Variants in KALRN observed in about 807,000 individuals in gnomAD.
The protein encoded by KALRN is kalirin.
In KALRN, 70 loss-of-function variants were observed where a neutral mutation model predicts 353.7. That is an observed-to-expected ratio of 0.20 (90% CI 0.16 to 0.24). KALRN has a LOEUF of 0.24. KALRN is among the 10% of genes least tolerant of loss of function. KALRN has a pLI of 1.00. For missense variants in KALRN, 2,791 were observed against 3,756.7 expected, an observed-to-expected ratio of 0.74 and a Z score of 6.72; for synonymous variants, 1,391 against 1,434.8, an observed-to-expected ratio of 0.97 and a Z score of 0.69.
At chr3:124,456,507 C>T in intron 22 of KALRN, 103 bp from the exon 23 acceptor site, 1 of 693,982 alleles carries the variant, frequency 1.4e-6, no homozygotes, top group South Asian at 1.8e-5. Context: ...TTTTATCCTT[C>T]TCCATTATAT....
chr3:124,292,519 G>A (rs1436403976), intron 5 of KALRN, among the ~76,000 whole-genome samples: 3 of 152,178 alleles, frequency 2.0e-5, no homozygotes, highest in East Asian at 1.9e-4. Context: ...GGGACAGCAG[G>A]AAGGCACCAG....
Position 124,544,630 on chromosome 3 carries a change from A to G in KALRN, c.4936-18213A>G, listed in dbSNP as rs555940882. 2.3e-4 allele frequency among the ~76,000 whole-genome samples: 35 copies of G among 150,038 alleles called. No homozygotes were observed. The East Asian group carries it at 4.0e-3, about 17-fold the overall frequency. ...CAGATATATCTATGTATATCTATAT[A>G]TCTATATAGATATAGATATAGATCT... On this transcript the variant is annotated intron_variant, in intron 33 of 59. Transcript: ENST00000682506.
intron 5 of KALRN, among the ~76,000 whole-genome samples, chr3:124,279,935 C>T (rs936041449): frequency 1.3e-5 from 2 of 152,154 alleles, no homozygotes; most frequent in Non-Finnish European, 2.9e-5. Context: ...CCTCAAAATG[C>T]AGGCTGGATC....
At chr3:124,232,706 A>C (rs898634499) in intron 2 of KALRN, among the ~76,000 whole-genome samples, 4 of 151,994 alleles carry the variant, frequency 2.6e-5, no homozygotes, top group African/African-American at 9.7e-5. Context: ...CCTTATCTAC[A>C]CTTCTGGATG....
intron 6 of KALRN, among the ~76,000 whole-genome samples, chr3:124,320,940 GCTCT>G (rs1487392980): frequency 6.6e-6 from 1 of 152,196 alleles, no homozygotes; most frequent in Non-Finnish European, 1.5e-5. Flanking sequence ...CTTGTGTTGT[GCTCT>G]CTGTGAAAGA....
At chr3:124,124,289 A>G (rs770245928) in intron 1 of KALRN, among the ~76,000 whole-genome samples, 19 of 152,244 alleles carry the variant, frequency 1.2e-4, no homozygotes, top group Non-Finnish European at 2.4e-4. Context: ...GTAACCACAG[A>G]TGTGGAAGAC....
At chr3:124,628,572 T>C (rs1319098902) in intron 34 of KALRN, among the ~76,000 whole-genome samples, 1 of 146,594 alleles carries the variant, frequency 6.8e-6, no homozygotes, top group Non-Finnish European at 1.5e-5. Context: ...TTTCTTTTCA[T>C]TTCTTTTCTT....
chr3:124,125,830 G>T (rs1281067266), intron 1 of KALRN, among the ~76,000 whole-genome samples: 1 of 152,198 alleles, frequency 6.6e-6, no homozygotes, highest in African/African-American at 2.4e-5. Flanking sequence ...GGATGATTCA[G>T]AGTTAGGCCA....
intron 1 of KALRN, among the ~76,000 whole-genome samples, chr3:124,207,898 G>T (rs1292167631): frequency 6.6e-6 from 1 of 152,230 alleles, no homozygotes; most frequent in Non-Finnish European, 1.5e-5. Context: ...GAGCTGAAAA[G>T]TGGGCTCATG....
At chr3:124,264,371 G>A in intron 3 of KALRN, 127 bp from the exon 4 acceptor site, 1 of 740,962 alleles carries the variant, frequency 1.3e-6, no homozygotes. Flanking sequence ...GTGGCCAAGA[G>A]ACCTGGCATG....
chr3:124,611,961 CT>C (rs1237933441), intron 34 of KALRN, among the ~76,000 whole-genome samples: 2 of 152,226 alleles, frequency 1.3e-5, no homozygotes, highest in African/African-American at 4.8e-5. Context: ...TCTCAGAGAA[CT>C]GTCACCAGCT....
chr3:124,438,519 CTT>C (rs1464024325), intron 17 of KALRN, among the ~76,000 whole-genome samples: 1 of 152,008 alleles, frequency 6.6e-6, no homozygotes, highest in Admixed American at 6.6e-5. Context: ...AGTCAAGTAT[CTT>C]CTCCAAACCT....
chr3:124,187,439 C>A (rs943184850), intron 1 of KALRN, among the ~76,000 whole-genome samples: 1 of 152,138 alleles, frequency 6.6e-6, no homozygotes. Flanking sequence ...AAACACAGGG[C>A]ATATGTCAGG....
At chr3:124,442,905 C>T (rs2093712485) in intron 19 of KALRN, among the ~76,000 whole-genome samples, 1 of 152,022 alleles carries the variant, frequency 6.6e-6, no homozygotes, top group South Asian at 2.1e-4. Context: ...CTCATTTGAG[C>T]CCAAGAGCTG....
At chr3:124,173,247 A>T (rs758485437) in intron 1 of KALRN, among the ~76,000 whole-genome samples, 9 of 152,332 alleles carry the variant, frequency 5.9e-5, no homozygotes, top group Non-Finnish European at 1.0e-4. Context: ...AATTTGATGA[A>T]CATGTATTGC....
chr3:124,317,001 A>G lies in KALRN; in HGVS notation c.1093-8979A>G, dbSNP rs184589969. 5.1e-3 allele frequency among the ~76,000 whole-genome samples: 779 copies of G among 152,334 alleles called. 5 individuals carry two copies. Among genetic ancestry groups the G allele is most frequent in the Middle Eastern group, 0.014 (4 of 294 alleles). On this transcript the variant is annotated intron_variant, in intron 6 of 59. Coordinates refer to ENST00000682506, the MANE Select transcript of KALRN (RefSeq NM_001388419.1). ...TCAGGGCAGCTGGCTTCAGATTTAC[A>G]GGTAGAGATTATTGCTCCAAGGCAG...
chr3:124,045,749 T>TGG (rs10576725), intron 1 of KALRN, among the ~76,000 whole-genome samples: 24 of 143,572 alleles, frequency 1.7e-4, no homozygotes, highest in African/African-American at 4.7e-4. Flanking sequence ...AACAGCCTAA[T>TGG]GGGGGGGGGG....
Position 124,718,965 on chromosome 3 carries a change from G to A in KALRN, c.8456G>A (p.Arg2819Gln), listed in dbSNP as rs2063294343. 7 of 1,614,054 alleles carry A rather than the reference G, an allele frequency of 4.3e-6. No homozygotes were observed. The highest frequency in any genetic ancestry group is 1.1e-5 in the South Asian group (1 of 91,080). ...LLIDLRIPVP[R>Q]VKLIDLEDAV... The stretch of plus-strand genomic sequence containing the variant: ...ATTGACCTACGGATTCCAGTGCCTC[G>A]AGTGAAGCTCATTGACTTGGAGGAT... Residue 2819 changes from arginine to glutamine, a missense_variant, in exon 60 of 60, where the codon CGA becomes CAA. Around this residue, in one of 11 missense-constraint regions of KALRN, gnomAD observed 188 missense variants for 402.9 expected, o/e 0.47. Coordinates refer to ENST00000682506, the MANE Select transcript of KALRN (RefSeq NM_001388419.1).
chr3:124,474,740 A>G lies in KALRN; in HGVS notation c.4101+8A>G. The G allele has an allele frequency of 1.5e-5, 24 of 1,611,442 alleles. No homozygotes were observed. Among genetic ancestry groups the G allele is most frequent in the Non-Finnish European group, 2.0e-5 (23 of 1,177,510 alleles). On this transcript the variant is annotated splice_region_variant and intron_variant, in intron 26 of 59. Transcript: ENST00000682506. ...CACTGCTTTGTTACCTGGGTAACCAACCTGAAATCCTTCTCCCACTGCCCA... is the reference window on the plus strand; with the variant it reads ...CACTGCTTTGTTACCTGGGTAACCAGCCTGAAATCCTTCTCCCACTGCCCA...
Sources: allele counts gnomAD v4.1 joint callset (sites outside exome capture counted in the v4.1 genomes callset), GRCh38; gene constraint gnomAD v4.1.1; regional missense constraint gnomAD v4.1.1; transcripts MANE v1.5; gene names NCBI Gene and HGNC (gene_info 2026-07-23, HGNC 2026-07-21).